KAZN: variants seen among roughly 807,000 people sequenced by gnomAD.
KAZN encodes kazrin, periplakin interacting protein.
KAZN carries 40 observed loss-of-function variants against 87.4 expected under a neutral mutation model. The ratio of observed to expected loss-of-function variants is 0.46; its 90% CI spans 0.36 to 0.60. The LOEUF (loss-of-function observed/expected upper bound fraction) is 0.60. KAZN is among the 20% of genes least tolerant of loss of function. The probability of loss-of-function intolerance (pLI) is 0.00; values close to 1 mark genes in which losing one functional copy is unlikely to be tolerated. For synonymous variants in KAZN, 466 were observed against 458.3 expected (o/e 1.02, Z -0.22); for missense variants, 898 against 1,073.9 (o/e 0.84, Z 2.29).
At chr1:14,761,449 T>C (rs140930215) in intron 1 of KAZN, among the ~76,000 whole-genome samples, 86 of 152,316 alleles carry the variant, frequency 5.6e-4, no homozygotes, top group Admixed American at 2.0e-3. Flanking sequence ...TGATTCAGCA[T>C]TGATCAGCAG....
At chr1:14,298,904 G>T (rs1654325625) in intron 2 of KAZN, among the ~76,000 whole-genome samples, 1 of 152,200 alleles carries the variant, frequency 6.6e-6, no homozygotes, top group Non-Finnish European at 1.5e-5. Flanking sequence ...TGGCACTCCA[G>T]CTTGCTTTAC....
In KAZN at chr1:15,039,570, A is replaced by G. The variant is rs190841166; in HGVS notation, c.556-4419A>G. Among the ~76,000 whole-genome samples the G allele has an allele frequency of 7.8e-4, 119 of 152,268 alleles. 1 individual carries two copies. The highest frequency in any genetic ancestry group is 3.4e-3 in the Middle Eastern group (1 of 294). On this transcript the variant is annotated intron_variant, in intron 3 of 14. Transcript: ENST00000376030. ...TACCAGTGCTTCTCTGTGTCTTTTCATGATATATCAAATTTGTTTTTTAAA... is the reference window on the plus strand; with the variant it reads ...TACCAGTGCTTCTCTGTGTCTTTTCGTGATATATCAAATTTGTTTTTTAAA...
At chr1:14,250,786 A>C (rs925188914) in intron 2 of KAZN, among the ~76,000 whole-genome samples, 3 of 152,124 alleles carry the variant, frequency 2.0e-5, no homozygotes, top group Admixed American at 2.0e-4. Flanking sequence ...ATTACTGAAT[A>C]AACATGTCTA....
At chr1:14,101,987 G>T (rs926046915) in intron 1 of KAZN, among the ~76,000 whole-genome samples, 4 of 152,064 alleles carry the variant, frequency 2.6e-5, no homozygotes, top group African/African-American at 9.7e-5. Context: ...CTTTTAGAGA[G>T]AATGAACTTC....
intron 2 of KAZN, among the ~76,000 whole-genome samples, chr1:14,202,482 C>T (rs552521234): frequency 1.3e-5 from 2 of 152,226 alleles, no homozygotes; most frequent in Admixed American, 6.5e-5. Context: ...CTGTGATACC[C>T]CAGGTGCTGG....
intron 2 of KAZN, among the ~76,000 whole-genome samples, chr1:14,430,995 C>G (rs1185243235): frequency 6.6e-6 from 1 of 152,128 alleles, no homozygotes; most frequent in African/African-American, 2.4e-5. Flanking sequence ...TGTTATAGAC[C>G]CAGAAAATTA....
At chr1:14,593,197 C>T (rs1464837820) in intron 2 of KAZN, among the ~76,000 whole-genome samples, 1 of 152,184 alleles carries the variant, frequency 6.6e-6, no homozygotes, top group Non-Finnish European at 1.5e-5. Context: ...TAAGATGTGA[C>T]TAGAATTCCT....
Position 14,451,108 on chromosome 1 carries a change from C to A in KAZN, c.250-147875C>A, listed in dbSNP as rs1453051346. Among the ~76,000 whole-genome samples, 4 of 152,258 alleles carry A rather than the reference C, an allele frequency of 2.6e-5. No homozygotes were observed. In the East Asian group the frequency reaches 7.7e-4, roughly 29 times the overall value. On this transcript the variant is annotated intron_variant, in intron 2 of 16. Transcript: ENST00000636203. ...TCCCCAGAAGCTGAGCAGATGCTGG[C>A]ACCATGCTTCCTATACAGCATGCAG...
intron 1 of KAZN, among the ~76,000 whole-genome samples, chr1:14,087,447 C>A (rs1469472871): frequency 6.6e-6 from 1 of 152,044 alleles, no homozygotes; most frequent in Non-Finnish European, 1.5e-5. Context: ...TTTGTGTATT[C>A]ATTTCCTTTT....
At chr1:14,284,615 G>A (rs905904689) in intron 2 of KAZN, among the ~76,000 whole-genome samples, 9 of 152,150 alleles carry the variant, frequency 5.9e-5, no homozygotes, top group Non-Finnish European at 1.2e-4. Context: ...TGCAGGAAAT[G>A]ACTGTCAGAT....
intron 2 of KAZN, among the ~76,000 whole-genome samples, chr1:14,986,774 C>G (rs1480852265): frequency 1.3e-5 from 2 of 152,194 alleles, no homozygotes; most frequent in African/African-American, 4.8e-5. Context: ...TGTTGGAGCT[C>G]TGACTGGCTG....
intron 2 of KAZN, among the ~76,000 whole-genome samples, chr1:14,504,900 C>T (rs1238778948): frequency 2.6e-5 from 4 of 152,144 alleles, no homozygotes; most frequent in African/African-American, 7.2e-5. Flanking sequence ...AGTGATAGAA[C>T]ATGACTTGAA....
chr1:14,609,208 A>C (rs554427195), intron 1 of KAZN, among the ~76,000 whole-genome samples: 57 of 152,344 alleles, frequency 3.7e-4, no homozygotes, highest in Middle Eastern at 3.4e-3. Context: ...TATTCAGTGC[A>C]TCTTGAGATT....
intron 2 of KAZN, among the ~76,000 whole-genome samples, chr1:14,327,012 T>G (rs1027129153): frequency 6.6e-6 from 1 of 152,164 alleles, no homozygotes; most frequent in Non-Finnish European, 1.5e-5. Context: ...GAGAACAAGC[T>G]CTTTGCCTGT....
intron 2 of KAZN, among the ~76,000 whole-genome samples, chr1:14,386,073 T>G (rs1661856195): frequency 6.6e-6 from 1 of 151,292 alleles, no homozygotes; most frequent in South Asian, 2.1e-4. Context: ...TGTAATGGCC[T>G]TCTTTGTCTC....
chr1:14,349,960 AC>A (rs2100936617), intron 2 of KAZN, among the ~76,000 whole-genome samples: 1 of 151,856 alleles, frequency 6.6e-6, no homozygotes, highest in African/African-American at 2.4e-5. Flanking sequence ...CATGGCGAAA[AC>A]CCGTCCCTAC....
At position 14,983,474 on chromosome 1, in the gene KAZN, G is replaced by A. The variant is rs149563316; in HGVS notation, c.418+22599G>A. Among the ~76,000 whole-genome samples the A allele has an allele frequency of 6.4e-3, 969 of 152,302 alleles. 15 individuals carry two copies. The highest frequency in any genetic ancestry group is 0.022 in the African/African-American group (898 of 41,550). On this transcript the variant is annotated intron_variant, in intron 2 of 14. Coordinates refer to ENST00000376030, the MANE Select transcript of KAZN (RefSeq NM_201628.3). ...GCTGGCAAGCCTGCAGGAAAATAGC[G>A]CCCTCACCTGTGGTCGGTGGAAATG...
chr1:13,985,369 T>C (rs1486674229), intron 1 of KAZN, among the ~76,000 whole-genome samples: 1 of 151,716 alleles, frequency 6.6e-6, no homozygotes, highest in Non-Finnish European at 1.5e-5. Flanking sequence ...TGGAATACTA[T>C]GCAGCCATAA....
At chr1:14,643,931 T>A (rs1680599008) in intron 1 of KAZN, among the ~76,000 whole-genome samples, 1 of 151,902 alleles carries the variant, frequency 6.6e-6, no homozygotes, top group African/African-American at 2.4e-5. Flanking sequence ...GATATTGAGC[T>A]TTTTTTTCAT....
Sources: gnomAD v4.1 joint callset for allele counts (sites outside exome capture counted in the v4.1 genomes callset) on GRCh38, gnomAD v4.1.1 for gene constraint, MANE v1.5 for transcripts, NCBI Gene and HGNC (gene_info 2026-07-23, HGNC 2026-07-21) for gene names.